Variants in FRMPD4 observed in about 807,000 individuals in gnomAD.
The protein encoded by FRMPD4 is FERM and PDZ domain containing 4, also known as FERM and PDZ domain-containing protein 4.
A neutral mutation model predicts 94.1 loss-of-function variants in FRMPD4; 22 were observed. That is an observed-to-expected ratio of 0.23 (90% CI 0.17 to 0.33). The LOEUF (loss-of-function observed/expected upper bound fraction) is 0.33, where lower values mean the gene tolerates loss of function less well. Ranked by LOEUF, FRMPD4 falls within the 10% of genes least tolerant of loss-of-function variation. The pLI is 1.00. For missense variants in FRMPD4, 1,111 were observed against 1,339.9 expected (o/e 0.83, Z 2.67); for synonymous variants, 631 against 548.6 (o/e 1.15, Z -2.10).
intron 1 of FRMPD4, among the ~76,000 whole-genome samples, chrX:12,486,783 AG>A (rs1324787056): frequency 1.8e-5 from 2 of 112,135 alleles, no homozygotes; most frequent in African/African-American, 6.5e-5. Flanking sequence ...GGACATGAAA[AG>A]GTAGCAGGGC....
rs138687892 is a variant in FRMPD4 at position 12,610,097 on chromosome X, T to G, written c.319+216T>G. Among the ~76,000 whole-genome samples, 526 of 112,480 alleles carry G rather than the reference T, an allele frequency of 4.7e-3. 3 individuals are homozygous for G. Among genetic ancestry groups the G allele is most frequent in the African/African-American group, 0.015 (477 of 31,007 alleles). The stretch of plus-strand genomic sequence containing the variant: ...ATTATCACCAGACTCAGGAAAATAC[T>G]GAGCCATCATCTATAACCATGGAAA... On this transcript the variant is annotated intron_variant, in intron 3 of 16. Coordinates refer to ENST00000675598, the MANE Select transcript of FRMPD4 (RefSeq NM_001368397.1).
intron 3 of FRMPD4, among the ~76,000 whole-genome samples, chrX:12,120,695 G>A (rs2055446566): frequency 8.9e-6 from 1 of 112,213 alleles, no homozygotes; most frequent in African/African-American, 3.2e-5. Context: ...GACTAGGATT[G>A]TCACCTTGGG....
intron 3 of FRMPD4, among the ~76,000 whole-genome samples, chrX:11,930,488 C>G (rs2054117057): frequency 1.1e-5 from 1 of 88,424 alleles, no homozygotes; most frequent in South Asian, 5.6e-4. Context: ...TGTAGAGATG[C>G]AACCACAAAC....
At chrX:12,153,681 T>C (rs2055894551) in intron 1 of FRMPD4, among the ~76,000 whole-genome samples, 1 of 112,613 alleles carries the variant, frequency 8.9e-6, no homozygotes, top group Admixed American at 9.4e-5. Context: ...AGAACATATA[T>C]GCATAACACT....
chrX:12,111,101 C>T (rs867137811), intron 3 of FRMPD4, among the ~76,000 whole-genome samples: 4 of 111,459 alleles, frequency 3.6e-5, no homozygotes, highest in African/African-American at 1.3e-4. Context: ...AAAAAGGGCC[C>T]GCATTCCCAA....
At chrX:12,535,502 T>C (rs756685423) in intron 2 of FRMPD4, among the ~76,000 whole-genome samples, 14 of 112,280 alleles carry the variant, frequency 1.2e-4, no homozygotes, top group Admixed American at 5.7e-4. Context: ...AGCAAGGTTG[T>C]TGGAATCAGA....
chrX:11,999,080 A>G, intron 3 of FRMPD4, among the ~76,000 whole-genome samples: 1 of 111,967 alleles, frequency 8.9e-6, no homozygotes, highest in South Asian at 3.7e-4. Flanking sequence ...AGTAAATAAT[A>G]GTTGATCATC....
At chrX:12,652,633 C>T (rs1204724652) in intron 4 of FRMPD4, among the ~76,000 whole-genome samples, 3 of 111,919 alleles carry the variant, frequency 2.7e-5, no homozygotes, top group Non-Finnish European at 3.8e-5. Flanking sequence ...TGATATTTTT[C>T]CTTCTGTGTC....
intron 2 of FRMPD4, among the ~76,000 whole-genome samples, chrX:12,557,823 A>G (rs2058612547): frequency 2.7e-5 from 1 of 36,490 alleles, no homozygotes; most frequent in South Asian, 8.0e-4. Context: ...CTCATGAACC[A>G]GGGATTTTAC....
intron 3 of FRMPD4, among the ~76,000 whole-genome samples, chrX:12,047,338 TAAAC>T (rs1377312473): frequency 9.0e-6 from 1 of 110,859 alleles, no homozygotes; most frequent in East Asian, 2.8e-4. Flanking sequence ...TATTTGTAAT[TAAAC>T]AATGATAAAA....
chrX:12,698,738 G>C (rs1399956571), intron 9 of FRMPD4, among the ~76,000 whole-genome samples: 1 of 111,172 alleles, frequency 9.0e-6, no homozygotes, highest in Non-Finnish European at 1.9e-5. Flanking sequence ...GTTAAATACA[G>C]GGTAAAGCAG....
intron 1 of FRMPD4, among the ~76,000 whole-genome samples, chrX:12,240,313 C>A (rs2057114665): frequency 1.8e-5 from 2 of 112,003 alleles, no homozygotes; most frequent in Admixed American, 1.9e-4. Context: ...GTTTTAAGGG[C>A]AAGGCTAATA....
At chrX:12,011,299 G>A (rs1436892709) in intron 3 of FRMPD4, among the ~76,000 whole-genome samples, 1 of 111,850 alleles carries the variant, frequency 8.9e-6, no homozygotes, top group African/African-American at 3.3e-5. Context: ...TGGCCACTCC[G>A]AGGATAGAAC....
At chrX:12,295,051 C>T (rs1486584405) in intron 1 of FRMPD4, among the ~76,000 whole-genome samples, 1 of 112,066 alleles carries the variant, frequency 8.9e-6, no homozygotes, top group Non-Finnish European at 1.9e-5. Context: ...CTCAAACAGA[C>T]TGGAATGTTC....
intron 1 of FRMPD4, among the ~76,000 whole-genome samples, chrX:12,148,968 T>C (rs2055810124): frequency 8.9e-6 from 1 of 112,052 alleles, no homozygotes; most frequent in African/African-American, 3.2e-5. Context: ...TTTCAAAATA[T>C]TACTGCCCAT....
intron 2 of FRMPD4, among the ~76,000 whole-genome samples, chrX:12,511,683 G>A (rs751258969): frequency 1.8e-5 from 2 of 111,766 alleles, no homozygotes; most frequent in South Asian, 3.8e-4. Context: ...TTGTATGCAT[G>A]ATGGGAGTCC....
intron 1 of FRMPD4, among the ~76,000 whole-genome samples, chrX:11,837,805 G>C (rs1024468183): frequency 7.2e-5 from 8 of 111,633 alleles, no homozygotes; most frequent in Non-Finnish European, 9.4e-5. Context: ...TTAATAAGTA[G>C]AAAATCCACT....
intron 1 of FRMPD4, among the ~76,000 whole-genome samples, chrX:12,387,040 G>A: frequency 8.9e-6 from 1 of 111,870 alleles, no homozygotes; most frequent in Admixed American, 9.4e-5. Flanking sequence ...TTTTATTGAA[G>A]GCTATTTTTC....
chrX:12,586,938 A>G (rs10218179), intron 2 of FRMPD4, among the ~76,000 whole-genome samples: 5,422 of 110,779 alleles, frequency 0.049, 332 homozygotes, highest in African/African-American at 0.17. Flanking sequence ...GGAGATTCAG[A>G]GAGAAAATTA....
Sources: allele counts gnomAD v4.1 joint callset (sites outside exome capture counted in the v4.1 genomes callset), GRCh38; gene constraint gnomAD v4.1.1; transcripts MANE v1.5; gene names NCBI Gene and HGNC (gene_info 2026-07-23, HGNC 2026-07-21).